DIPK2B: variants seen among roughly 807,000 people sequenced by gnomAD.
DIPK2B encodes UPF0672 protein CXorf36.
A neutral mutation model predicts 22.2 loss-of-function variants in DIPK2B; 15 were observed. The ratio of observed to expected loss-of-function variants is 0.68; its 90% CI spans 0.45 to 1.04. The LOEUF is 1.04. DIPK2B is among the 50% of genes least tolerant of loss of function. The pLI is 0.00. For synonymous variants in DIPK2B, 163 were observed against 153.2 expected, an observed-to-expected ratio of 1.06 and a Z score of -0.47; for missense variants, 345 against 348.3, an observed-to-expected ratio of 0.99 and a Z score of 0.08.
chrX:45,157,918 A>T, intron 2 of DIPK2B, 30 bp from the exon 3 acceptor site: 1 of 941,014 alleles, frequency 1.1e-6, no homozygotes, highest in Non-Finnish European at 1.4e-6. Context: ...AGGCGGGAGA[A>T]GAAGGGGGCG....
intron 2 of DIPK2B, among the ~76,000 whole-genome samples, chrX:45,176,258 GTGAGCCTCA>G (rs111663958): frequency 0.047 from 5,239 of 111,169 alleles, 303 homozygotes; most frequent in African/African-American, 0.16. Context: ...CAAGAATGAA[GTGAGCCTCA>G]TGAGTTTCCA....
intron 2 of DIPK2B, among the ~76,000 whole-genome samples, chrX:45,179,396 T>C (rs778089071): frequency 1.8e-5 from 2 of 110,284 alleles, no homozygotes; most frequent in Admixed American, 2.0e-4. Flanking sequence ...ACCCCTAAAG[T>C]GTGAAGAAGC....
At chrX:45,200,082 T>C (rs1220357559) in intron 1 of DIPK2B, among the ~76,000 whole-genome samples, 1 of 111,880 alleles carries the variant, frequency 8.9e-6, no homozygotes, top group Non-Finnish European at 1.9e-5. Flanking sequence ...TTATTGTGTA[T>C]ATTTAAAGTA....
intron 2 of DIPK2B, among the ~76,000 whole-genome samples, chrX:45,187,662 C>G (rs958405251): frequency 4.5e-5 from 5 of 111,779 alleles, no homozygotes; most frequent in African/African-American, 1.6e-4. Context: ...CCTGGCTCAG[C>G]CTCTGATGAT....
intron 2 of DIPK2B, among the ~76,000 whole-genome samples, chrX:45,180,406 A>G (rs1181793056): frequency 8.9e-6 from 1 of 111,890 alleles, no homozygotes; most frequent in African/African-American, 3.2e-5. Flanking sequence ...TGAGTCTCAC[A>G]TACAGAATTC....
rs945970423 is a variant in DIPK2B, at chrX:45,151,401, T to C, written c.*251A>G. On this transcript the variant is annotated 3_prime_UTR_variant, in exon 5 of 5. Coordinates refer to ENST00000398000, the MANE Select transcript of DIPK2B (RefSeq NM_176819.4). Reference sequence around the variant, plus strand: ...GAGTCTGGTGGAGAACAGAGGAAACTGAGGCTCAAAGACATTGAGTGAGCG... The same window carrying C: ...GAGTCTGGTGGAGAACAGAGGAAACCGAGGCTCAAAGACATTGAGTGAGCG... 1.7e-5 allele frequency: 7 copies of C among 402,132 alleles called. No individual in the cohort carries two copies. The highest frequency in any genetic ancestry group is 2.6e-5 in the Non-Finnish European group (6 of 232,608). The allele number at this position is 402,132 out of a possible 1,213,427, so 33.1% of individuals were successfully genotyped here. A position where few individuals can be genotyped will look rare whatever the true frequency, so the allele number is the denominator to read the frequency against.
Position 45,157,837 on chromosome X carries a change from C to G in DIPK2B, c.550G>C (p.Val184Leu). 2 of 1,170,559 alleles carry G rather than the reference C, an allele frequency of 1.7e-6. No homozygotes were observed. The highest frequency in any genetic ancestry group is 2.3e-6 in the Non-Finnish European group (2 of 875,756). ...RCPSQRLLDR[V>L]VRRYAEVADA... ...GCCACCTCTGCATAGCGCCTGACCA[C>G]GCGATCCAGGAGTCGCTGCGAAGGG... The change falls in exon 3 of 5, where the codon GTG becomes CTG. Residue 184 changes from valine (V) to leucine (L), a missense_variant. Coordinates refer to ENST00000398000, the MANE Select transcript of DIPK2B (RefSeq NM_176819.4).
chrX:45,190,082 T>C (rs2047203239), intron 2 of DIPK2B, among the ~76,000 whole-genome samples: 1 of 112,413 alleles, frequency 8.9e-6, no homozygotes, highest in Admixed American at 9.4e-5. Flanking sequence ...GATTCACTTA[T>C]TATGAGAATA....
At position 45,149,292 on chromosome X, in the gene DIPK2B, G is replaced by A. The variant is rs1422355316; in HGVS notation, c.*2360C>T. The A allele has an allele frequency of 8.9e-6, 1 of 112,863 alleles. No homozygotes were observed. The highest frequency in any genetic ancestry group is 1.9e-5 in the Non-Finnish European group (1 of 53,399). 9.3% of individuals were successfully genotyped at this position (112,863 alleles called of 1,213,427 possible). On this transcript the variant is annotated 3_prime_UTR_variant, in exon 5 of 5. Coordinates refer to ENST00000398000, the MANE Select transcript of DIPK2B (RefSeq NM_176819.4). ...GCTGTGGCCTCTCTCCTGGTCTCTG[G>A]TCAGGTGGCCAGCTGGGAGGACAGC...
At position 45,157,795 on chromosome X, in the gene DIPK2B, A is replaced by T; in HGVS notation, c.592T>A (p.Phe198Ile). Residue 198 changes from phenylalanine to isoleucine, a missense_variant, in exon 3 of 5, where the codon TTC (phenylalanine) becomes ATC (isoleucine). Phe to Ile is a conservative substitution (Grantham distance 21). Coordinates refer to ENST00000398000, the MANE Select transcript of DIPK2B (RefSeq NM_176819.4). ...YAEVADAGSI[F>I]MDHFTDRDKL... ...TCACGGTCGGTGAAGTGGTCCATGAAGATGCTGCCGGCGTCGGCCACCTCT... is the reference window on the plus strand; with the variant it reads ...TCACGGTCGGTGAAGTGGTCCATGATGATGCTGCCGGCGTCGGCCACCTCT... 3 of 1,188,998 alleles carry T rather than the reference A, an allele frequency of 2.5e-6. No individual in the cohort carries two copies. Among genetic ancestry groups the T allele is most frequent in the Non-Finnish European group, 3.4e-6 (3 of 884,758 alleles).
chrX:45,157,941 C>G, intron 2 of DIPK2B, 53 bp from the exon 3 acceptor site: 1 of 560,955 alleles, frequency 1.8e-6, no homozygotes, highest in Non-Finnish European at 2.3e-6. Context: ...GCGCTAAGCT[C>G]TTGTGGGGGG....
chrX:45,171,310 C>A (rs1295874049), intron 2 of DIPK2B, among the ~76,000 whole-genome samples: 1 of 107,867 alleles, frequency 9.3e-6, no homozygotes, highest in South Asian at 4.0e-4. Flanking sequence ...CACTCTGAAC[C>A]CTTGCCGGTC....
intron 4 of DIPK2B, among the ~76,000 whole-genome samples, chrX:45,153,150 C>T (rs1009710564): frequency 8.1e-5 from 9 of 111,270 alleles, no homozygotes; most frequent in Non-Finnish European, 9.4e-5. Context: ...TTTTTGTAGG[C>T]TTTTGCATAC....
At chrX:45,192,617 C>T (rs2047219012) in intron 1 of DIPK2B, among the ~76,000 whole-genome samples, 1 of 110,891 alleles carries the variant, frequency 9.0e-6, no homozygotes, top group Non-Finnish European at 1.9e-5. Flanking sequence ...CCAAGCAGCC[C>T]CATTAGTCTA....
At chrX:45,171,357 C>T (rs140625552) in intron 2 of DIPK2B, among the ~76,000 whole-genome samples, 123 of 111,437 alleles carry the variant, frequency 1.1e-3, no homozygotes, top group Non-Finnish European at 2.0e-3. Flanking sequence ...CTGAAAAGAT[C>T]CACTGTCTTC....
At chrX:45,184,943 ATTATAG>A (rs1415626705) in intron 2 of DIPK2B, among the ~76,000 whole-genome samples, 5 of 111,085 alleles carry the variant, frequency 4.5e-5, no homozygotes, top group Non-Finnish European at 9.4e-5. Context: ...TTTTTTTCCT[ATTATAG>A]TTAATGTCTG....
chrX:45,192,612 C>T (rs1169026918), intron 1 of DIPK2B, among the ~76,000 whole-genome samples: 1 of 110,989 alleles, frequency 9.0e-6, no homozygotes, highest in East Asian at 2.8e-4. Flanking sequence ...CAACCCCAAG[C>T]AGCCCCATTA....
chrX:45,162,801 G>T, intron 2 of DIPK2B: 1 of 754,064 alleles, frequency 1.3e-6, no homozygotes, highest in Non-Finnish European at 1.6e-6. Flanking sequence ...CTTGTCTGGT[G>T]CTATCCCTTG....
chrX:45,192,965 G>C (rs1375817045), intron 1 of DIPK2B, among the ~76,000 whole-genome samples: 1 of 112,044 alleles, frequency 8.9e-6, no homozygotes, highest in Non-Finnish European at 1.9e-5. Flanking sequence ...TTTTAGTAGA[G>C]ACAACGTTTT....
Sources: gnomAD v4.1 joint callset for allele counts (sites outside exome capture counted in the v4.1 genomes callset) on GRCh38, gnomAD v4.1.1 for gene constraint, MANE v1.5 for transcripts, NCBI Gene and HGNC (gene_info 2026-07-23, HGNC 2026-07-21) for gene names.